The following NFYA variants were observed in gnomAD, a reference collection of about 807,000 sequenced individuals.
The protein encoded by NFYA is nuclear transcription factor Y subunit alpha.
NFYA carries 28 observed loss-of-function variants against 52.8 expected under a neutral mutation model. The ratio of observed to expected loss-of-function variants is 0.53; its 90% CI spans 0.39 to 0.73. NFYA has a LOEUF of 0.73. Among genes scored for constraint, NFYA ranks in the 30% least tolerant of loss-of-function variants. The pLI is 0.00. For missense variants in NFYA, 234 were observed against 427.0 expected (o/e 0.55, Z 3.98); for synonymous variants, 150 against 150.7 (o/e 1.00, Z 0.03).
rs1266823309 is a variant in NFYA, at chr6:41,098,746, T to C, written c.*1336T>C. On this transcript the variant is annotated 3_prime_UTR_variant, in exon 10 of 10. Transcript: ENST00000341376. ...CCATAGGCCTTGTGCAGAAAGGTTT[T>C]CTCATTGCATCCATACTGTGAGAAT... 1.3e-5 allele frequency: 2 copies of C among 152,694 alleles called. No individual in the cohort carries two copies. The highest frequency in any genetic ancestry group is 4.8e-5 in the African/African-American group (2 of 41,466). The allele number at this position is 152,694 out of a possible 1,614,324, so 9.5% of individuals were successfully genotyped here. A position where few individuals can be genotyped will look rare whatever the true frequency, so the allele number is the denominator to read the frequency against.
In NFYA at chr6:41,079,179, C is replaced by G. The variant is rs1199058119; in HGVS notation, c.75+15C>G. 6.2e-7 allele frequency: 1 copy of G among 1,613,054 alleles called. No individual in the cohort carries two copies. Among genetic ancestry groups the G allele is most frequent in the South Asian group, 1.1e-5 (1 of 91,064 alleles). Reference sequence around the variant, plus strand: ...TTCAGCAGCAGGTATGGAAGCAAAACTGCTTTAAACATTACAGCAATGAAA... The same window carrying G: ...TTCAGCAGCAGGTATGGAAGCAAAAGTGCTTTAAACATTACAGCAATGAAA... On this transcript the variant is annotated intron_variant, in intron 2 of 9. Coordinates refer to ENST00000341376, the MANE Select transcript of NFYA (RefSeq NM_002505.5).
intron 1 of NFYA, among the ~76,000 whole-genome samples, chr6:41,077,542 G>A (rs1407729386): frequency 4.0e-5 from 3 of 75,548 alleles, no homozygotes; most frequent in African/African-American, 2.4e-4. Flanking sequence ...AGCCATAAAT[G>A]TATTGTGTAT....
intron 1 of NFYA, among the ~76,000 whole-genome samples, chr6:41,078,682 T>C (rs1763811023): frequency 6.6e-6 from 1 of 152,184 alleles, no homozygotes; most frequent in Non-Finnish European, 1.5e-5. Flanking sequence ...TAAAGAAGCT[T>C]TATTCTCTAA....
At chr6:41,078,235 CTTCT>C (rs1763793457) in intron 1 of NFYA, among the ~76,000 whole-genome samples, 1 of 152,154 alleles carries the variant, frequency 6.6e-6, no homozygotes, top group Non-Finnish European at 1.5e-5. Flanking sequence ...ATTTTGGTTT[CTTCT>C]TTCACACTGT....
At position 41,101,948 on chromosome 6, in the gene NFYA, A is replaced by G. The variant is rs1382581632; in HGVS notation, c.*4538A>G. ...CTTTACACTGGCCTGATGTGTGGGG[A>G]GAAAGGGGCCAAAAAGTTTAGGATT... is the stretch of plus-strand genomic sequence containing the variant. On this transcript the variant is annotated 3_prime_UTR_variant, in exon 10 of 10. Transcript: ENST00000341376. 6.6e-6 allele frequency: 1 copy of G among 152,206 alleles called. No homozygotes were observed. Among genetic ancestry groups the G allele is most frequent in the African/African-American group, 2.4e-5 (1 of 41,436 alleles). 9.4% of individuals were successfully genotyped at this position (152,206 alleles called of 1,614,324 possible).
At chr6:41,095,344 ATTT>A (rs1764318529) in intron 9 of NFYA, among the ~76,000 whole-genome samples, 1 of 151,982 alleles carries the variant, frequency 6.6e-6, no homozygotes, top group South Asian at 2.1e-4. Flanking sequence ...TGTCCTTAGA[ATTT>A]TCAGTCTGTA....
At chr6:41,082,171 C>G (rs1373376197) in intron 3 of NFYA, among the ~76,000 whole-genome samples, 1 of 152,168 alleles carries the variant, frequency 6.6e-6, no homozygotes, top group Non-Finnish European at 1.5e-5. Context: ...ATCACTTTAT[C>G]CTTTCAATCC....
intron 1 of NFYA, 52 bp from the exon 2 acceptor site, chr6:41,078,977 A>C: frequency 1.4e-5 from 11 of 784,598 alleles, no homozygotes; most frequent in Non-Finnish European, 2.2e-5. Flanking sequence ...ATTGTCTGGT[A>C]AGGCCTTTAT....
Position 41,097,489 on chromosome 6 carries a change from A to C in NFYA, c.*79A>C. On this transcript the variant is annotated 3_prime_UTR_variant, in exon 10 of 10. Coordinates refer to ENST00000341376, the MANE Select transcript of NFYA (RefSeq NM_002505.5). Reference sequence around the variant, plus strand: ...AATTGATCAACTCTTCCAATGGGACATTGATGATCACATTCTGCCCTTTAC... The same window carrying C: ...AATTGATCAACTCTTCCAATGGGACCTTGATGATCACATTCTGCCCTTTAC... 1.4e-6 allele frequency: 2 copies of C among 1,432,440 alleles called. No homozygotes were observed. The highest frequency in any genetic ancestry group is 2.3e-5 in the South Asian group (2 of 86,318). The allele number at this position is 1,432,440 out of a possible 1,614,324, so 88.7% of individuals were successfully genotyped here. A position where few individuals can be genotyped will look rare whatever the true frequency, so the allele number is the denominator to read the frequency against.
rs547019580 is a variant in NFYA at position 41,080,725 on chromosome 6, C to T, written c.76-86C>T. 3.5e-4 allele frequency: 384 copies of T among 1,112,236 alleles called. 7 individuals carry two copies. The South Asian group carries it at 4.6e-3, about 13-fold the overall frequency. 68.9% of individuals were successfully genotyped at this position (1,112,236 alleles called of 1,614,324 possible). A position where few individuals can be genotyped will look rare whatever the true frequency, so the allele number is the denominator to read the frequency against. On this transcript the variant is annotated intron_variant, in intron 2 of 9. Transcript: ENST00000341376. ...GAAAGTCCTTCAGGCTTCCGTCTCT[C>T]TCCTCCAAGAGGTAAGGTGATCTGT... is the stretch of plus-strand genomic sequence containing the variant.
In NFYA at chr6:41,084,154, A is replaced by G. The variant is rs773418404; in HGVS notation, c.271A>G (p.Met91Val). The G allele has an allele frequency of 7.0e-5, 113 of 1,614,064 alleles. No homozygotes were observed. Among genetic ancestry groups the G allele is most frequent in the Non-Finnish European group, 9.5e-5 (112 of 1,180,016 alleles). ...AVPGGQGQTI[M>V]QVPVSGTQGL... ...CCCTGGTGGACAAGGTCAAACCATC[A>G]TGCAAGTACCTGTTTCTGGAACACA... Residue 91 changes from methionine (M) to valine (V), a missense_variant, in exon 4 of 10, where the codon ATG (methionine) becomes GTG (valine). Physicochemically the swap from Met to Val is conservative, Grantham distance 21. Around this residue, in one of 3 missense-constraint regions of NFYA, gnomAD observed 118 missense variants for 182.4 expected, o/e 0.65. Transcript: ENST00000341376.
intron 4 of NFYA, 116 bp downstream of exon 4, chr6:41,084,308 T>C: frequency 8.2e-7 from 1 of 1,217,650 alleles, no homozygotes; most frequent in Non-Finnish European, 1.1e-6. Context: ...ACCCACATTT[T>C]GCATTCAGTT....
intron 5 of NFYA, 22 bp from the exon 6 acceptor site, chr6:41,090,182 T>G (rs759417152): frequency 2.0e-6 from 3 of 1,494,230 alleles, no homozygotes; most frequent in Non-Finnish European, 2.8e-6. Flanking sequence ...TGTTGAATTG[T>G]GTCATTACTT....
chr6:41,097,494 T>G lies in NFYA; in HGVS notation c.*84T>G. The G allele has an allele frequency of 7.1e-7, 1 of 1,416,112 alleles. No individual in the cohort carries two copies. 87.7% of individuals were successfully genotyped at this position (1,416,112 alleles called of 1,614,324 possible). A position where few individuals can be genotyped will look rare whatever the true frequency, so the allele number is the denominator to read the frequency against. On this transcript the variant is annotated 3_prime_UTR_variant, in exon 10 of 10. Transcript: ENST00000341376. ...ATCAACTCTTCCAATGGGACATTGA[T>G]GATCACATTCTGCCCTTTACTACAG...
Position 41,097,574 on chromosome 6 carries a change from C to A in NFYA, c.*164C>A. On this transcript the variant is annotated 3_prime_UTR_variant, in exon 10 of 10. Transcript: ENST00000341376. ...GCTCAGTATTACAATTGCAGCGATG[C>A]CTGGCAAATTGAAGTTGCAAGCCTT... The A allele has an allele frequency of 1.5e-6, 1 of 655,038 alleles. No individual in the cohort carries two copies. Among genetic ancestry groups the A allele is most frequent in the Non-Finnish European group, 2.6e-6 (1 of 382,688 alleles). The allele number at this position is 655,038 out of a possible 1,614,324, so 40.6% of individuals were successfully genotyped here. A position where few individuals can be genotyped will look rare whatever the true frequency, so the allele number is the denominator to read the frequency against.
At chr6:41,077,434 C>T (rs928862877) in intron 1 of NFYA, among the ~76,000 whole-genome samples, 3 of 152,156 alleles carry the variant, frequency 2.0e-5, no homozygotes, top group African/African-American at 4.8e-5. Flanking sequence ...ACCACTGATC[C>T]ATTTTCTGTC....
At chr6:41,081,456 C>T (rs1484564913) in intron 3 of NFYA, among the ~76,000 whole-genome samples, 3 of 151,046 alleles carry the variant, frequency 2.0e-5, no homozygotes, top group South Asian at 4.2e-4. Context: ...CGCCACTGCA[C>T]TCCAGCCTGG....
rs1266098768 is a variant in NFYA, at chr6:41,098,213, C to G, written c.*803C>G. On this transcript the variant is annotated 3_prime_UTR_variant, in exon 10 of 10. Transcript: ENST00000341376. The stretch of plus-strand genomic sequence containing the variant: ...TTATTAAACCTTGAAACTGCCTTTC[C>G]TAAGTAGAGAACAAGACTATTCAAC... 3 of 152,612 alleles carry G rather than the reference C, an allele frequency of 2.0e-5. No homozygotes were observed. Among genetic ancestry groups the G allele is most frequent in the African/African-American group, 7.2e-5 (3 of 41,436 alleles). The allele number at this position is 152,612 out of a possible 1,614,324, so 9.5% of individuals were successfully genotyped here. A position where few individuals can be genotyped will look rare whatever the true frequency, so the allele number is the denominator to read the frequency against.
At chr6:41,080,767 T>G (rs761131907) in intron 2 of NFYA, 44 bp from the exon 3 acceptor site, 5 of 1,524,676 alleles carry the variant, frequency 3.3e-6, no homozygotes, top group Non-Finnish European at 4.5e-6. Context: ...AACTACACAT[T>G]TCCTTCCTGA....
Sources: gnomAD v4.1 joint callset for allele counts (sites outside exome capture counted in the v4.1 genomes callset) on GRCh38, gnomAD v4.1.1 for gene constraint, gnomAD v4.1.1 regional missense constraint, MANE v1.5 for transcripts, NCBI Gene and HGNC (gene_info 2026-07-23, HGNC 2026-07-21) for gene names.